ERO1A: variants seen among roughly 807,000 people sequenced by gnomAD.
ERO1A encodes the protein endoplasmic reticulum oxidoreductase 1 alpha, also known as ERO1-like protein alpha.
ERO1A carries 49 observed loss-of-function variants against 76.9 expected under a neutral mutation model. That is an observed-to-expected ratio of 0.64 (90% CI 0.51 to 0.81). The LOEUF is 0.81. ERO1A is among the 30% of genes least tolerant of loss of function. ERO1A has a pLI of 0.00. For synonymous variants in ERO1A, 174 were observed against 181.2 expected (o/e 0.96, Z 0.32); for missense variants, 448 against 542.1 (o/e 0.83, Z 1.72).
At chr14:52,652,410 CAT>C (rs766330847) in intron 12 of ERO1A, 102 bp from the exon 13 acceptor site, 1 of 750,258 alleles carries the variant, frequency 1.3e-6, no homozygotes, top group Non-Finnish European at 2.3e-6. Context: ...GAGGAGAAAA[CAT>C]AGTAAAACCA....
At chr14:52,652,193 A>G in intron 13 of ERO1A, 46 bp downstream of exon 13, 1 of 1,146,666 alleles carries the variant, frequency 8.7e-7, no homozygotes, top group Non-Finnish European at 1.3e-6. Context: ...ATATCTGCAT[A>G]AGTGTTAATC....
chr14:52,695,028 C>T (rs2041502225), intron 1 of ERO1A, among the ~76,000 whole-genome samples: 1 of 152,224 alleles, frequency 6.6e-6, no homozygotes, highest in Non-Finnish European at 1.5e-5. Flanking sequence ...GATCCAGGTT[C>T]TGTGAAAATA....
chr14:52,672,794 C>A (rs66544311), intron 4 of ERO1A, among the ~76,000 whole-genome samples: 57,147 of 131,822 alleles, frequency 0.43, 12,542 homozygotes, highest in Middle Eastern at 0.53. Flanking sequence ...AAAAAAAAAA[C>A]AAAAAACAAA....
chr14:52,688,855 AAAC>A (rs756612907), intron 1 of ERO1A, among the ~76,000 whole-genome samples: 13 of 152,268 alleles, frequency 8.5e-5, no homozygotes, highest in Non-Finnish European at 1.5e-4. Flanking sequence ...ATGAAAGACA[AAAC>A]AACACTTTCT....
chr14:52,671,339 T>C (rs1312205339), intron 6 of ERO1A, among the ~76,000 whole-genome samples: 2 of 152,192 alleles, frequency 1.3e-5, no homozygotes, highest in African/African-American at 4.8e-5. Context: ...TTTGAGTATA[T>C]ACCTAGAAAA....
chr14:52,683,588 CTA>C (rs1594834540), intron 2 of ERO1A, among the ~76,000 whole-genome samples, 198 bp downstream of exon 2: 2 of 152,110 alleles, frequency 1.3e-5, no homozygotes, highest in South Asian at 2.1e-4. Flanking sequence ...GATTCTAACT[CTA>C]GAGTGTAAAA....
intron 13 of ERO1A, chr14:52,646,662 T>C (rs933373184): frequency 4.5e-6 from 2 of 449,012 alleles, no homozygotes; most frequent in African/African-American, 4.0e-5. Context: ...AATCCAAAGG[T>C]AGTTATTATT....
chr14:52,649,787 G>C (rs1336862405), intron 13 of ERO1A, among the ~76,000 whole-genome samples: 4 of 152,136 alleles, frequency 2.6e-5, no homozygotes, highest in Non-Finnish European at 5.9e-5. Flanking sequence ...TAGCAAGAAT[G>C]CTTCAAGTAG....
intron 1 of ERO1A, among the ~76,000 whole-genome samples, chr14:52,694,265 A>T (rs2041468185): frequency 6.6e-6 from 1 of 152,148 alleles, no homozygotes; most frequent in Non-Finnish European, 1.5e-5. Flanking sequence ...GTAATGATTG[A>T]AGGTAAAGGA....
intron 1 of ERO1A, among the ~76,000 whole-genome samples, chr14:52,684,391 T>C (rs7150290): frequency 0.17 from 25,711 of 151,850 alleles, 2,312 homozygotes; most frequent in East Asian, 0.23. Flanking sequence ...TTTTAAAAGA[T>C]ACACAAAGCT....
intron 1 of ERO1A, among the ~76,000 whole-genome samples, chr14:52,692,808 A>AT (rs911604349): frequency 2.0e-5 from 3 of 149,662 alleles, no homozygotes; most frequent in African/African-American, 2.5e-5. Flanking sequence ...TTCTTTCTCC[A>AT]TTTTTTTTCT....
intron 6 of ERO1A, among the ~76,000 whole-genome samples, chr14:52,670,120 G>T (rs2040547611): frequency 6.6e-6 from 1 of 152,028 alleles, no homozygotes; most frequent in African/African-American, 2.4e-5. Context: ...TTGCCATGTT[G>T]CCCAGGCTAG....
chr14:52,683,651 T>C, intron 2 of ERO1A, 137 bp downstream of exon 2: 1 of 417,886 alleles, frequency 2.4e-6, no homozygotes, highest in Non-Finnish European at 4.2e-6. Context: ...CATGCTTCAC[T>C]CTTATGAACT....
chr14:52,672,860 C>G (rs1158958702), intron 4 of ERO1A, among the ~76,000 whole-genome samples: 1 of 149,910 alleles, frequency 6.7e-6, no homozygotes, highest in Admixed American at 6.7e-5. Flanking sequence ...TCCTCAATTT[C>G]ATTACATCTC....
Position 52,695,399 on chromosome 14 carries a change from G to C in ERO1A, c.83C>G (p.Pro28Arg), listed in dbSNP as rs1211261156. 1.2e-5 allele frequency: 19 copies of C among 1,534,798 alleles called. No homozygotes were observed. Among genetic ancestry groups the C allele is most frequent in the African/African-American group, 1.4e-5 (1 of 71,120 alleles). Reference protein sequence around the residue: ...LSSGHGEEQPPETAAQRCFCQ... With the variant: ...LSSGHGEEQPRETAAQRCFCQ... ...GAAGCACCTCTGTGCCGCTGTCTCC[G>C]GGGGCTGCTCCTCTCCGTGGCCCGA... The change falls in exon 1 of 16, where the codon CCG becomes CGG. Residue 28 changes from proline (P) to arginine (R), a missense_variant. This residue lies in a region of ERO1A where 146 missense variants were observed against 130.2 expected (regional missense o/e 1.12). Coordinates refer to ENST00000395686, the MANE Select transcript of ERO1A (RefSeq NM_014584.3).
At position 52,657,901 on chromosome 14, in the gene ERO1A, A is replaced by C. The variant is rs745584085; in HGVS notation, c.808+16T>G. 3.9e-6 allele frequency: 6 copies of C among 1,551,044 alleles called. No homozygotes were observed. The South Asian group carries it at 5.9e-5, about 15-fold the overall frequency. On this transcript the variant is annotated intron_variant, in intron 11 of 15. Transcript: ENST00000395686. ...AATTAAGAGTGGTAGACTGAATAAA[A>C]GTAAATGTCACATACCTTGTAAAAG... is the stretch of plus-strand genomic sequence containing the variant.
rs540198211 is a variant in ERO1A, at chr14:52,671,599, A to T, written c.508+31T>A. ...TTTTTTTTTCTTAGGTATAATTTTA[A>T]ACACAATGCATACTATCAAAAATAT... On this transcript the variant is annotated intron_variant, in intron 6 of 15. Transcript: ENST00000395686. 8.5e-5 allele frequency: 128 copies of T among 1,500,100 alleles called. No individual in the cohort carries two copies. In the South Asian group the frequency reaches 1.4e-3, roughly 17 times the overall value. The allele number at this position is 1,500,100 out of a possible 1,614,324, so 92.9% of individuals were successfully genotyped here. A position where few individuals can be genotyped will look rare whatever the true frequency, so the allele number is the denominator to read the frequency against.
intron 6 of ERO1A, 111 bp from the exon 7 acceptor site, chr14:52,666,606 T>A: frequency 4.9e-6 from 5 of 1,026,224 alleles, no homozygotes; most frequent in Non-Finnish European, 6.9e-6. Flanking sequence ...TAACAATGTG[T>A]CAGGAATTTT....
chr14:52,664,421 C>A (rs1454199682), intron 7 of ERO1A, among the ~76,000 whole-genome samples: 2 of 151,958 alleles, frequency 1.3e-5, no homozygotes, highest in Non-Finnish European at 1.5e-5. Context: ...GCTTTTAAAT[C>A]CCAAAATAAA....
Sources: gnomAD v4.1 joint callset for allele counts (sites outside exome capture counted in the v4.1 genomes callset) on GRCh38, gnomAD v4.1.1 for gene constraint, gnomAD v4.1.1 regional missense constraint, MANE v1.5 for transcripts, NCBI Gene and HGNC (gene_info 2026-07-23, HGNC 2026-07-21) for gene names.